Variants in AP1B1 observed in about 807,000 individuals in gnomAD.
AP1B1 encodes the protein AP-1 complex subunit beta-1.
In AP1B1, 36 loss-of-function variants were observed where a neutral mutation model predicts 104.3. That is an observed-to-expected ratio of 0.35 (90% CI 0.26 to 0.46). AP1B1 has a LOEUF of 0.46. Among genes scored for constraint, AP1B1 ranks in the 20% least tolerant of loss-of-function variants. The pLI is 1.00. For synonymous variants in AP1B1, 504 were observed against 517.5 expected (o/e 0.97, Z 0.35); for missense variants, 901 against 1,247.9 (o/e 0.72, Z 4.19).
intron 1 of AP1B1, among the ~76,000 whole-genome samples, chr22:29,378,670 T>C (rs1217626104): frequency 6.7e-6 from 1 of 148,786 alleles, no homozygotes; most frequent in African/African-American, 2.5e-5. Context: ...CCATCCTGGC[T>C]AACACGGTGA....
chr22:29,339,568 A>G (rs1336207339), intron 15 of AP1B1, among the ~76,000 whole-genome samples, 186 bp downstream of exon 15: 1 of 151,856 alleles, frequency 6.6e-6, no homozygotes, highest in Admixed American at 6.6e-5. Flanking sequence ...ATCCATGGCT[A>G]TGGGGCCCAG....
chr22:29,337,304 C>T (rs567977716), intron 16 of AP1B1, among the ~76,000 whole-genome samples: 1 of 152,316 alleles, frequency 6.6e-6, no homozygotes, highest in African/African-American at 2.4e-5. Flanking sequence ...GGGAGGAGGA[C>T]GTGCTGGCGG....
At chr22:29,384,428 G>A (rs75017959) in intron 1 of AP1B1, among the ~76,000 whole-genome samples, 227 of 152,266 alleles carry the variant, frequency 1.5e-3, no homozygotes, top group African/African-American at 5.2e-3. Context: ...AAAGTGCTTT[G>A]AACCCCTTAG....
At chr22:29,354,435 G>A (rs2061923372) in intron 7 of AP1B1, among the ~76,000 whole-genome samples, 1 of 152,120 alleles carries the variant, frequency 6.6e-6, no homozygotes, top group South Asian at 2.1e-4. Context: ...GAAGCCGGTA[G>A]CATGCCCCCC....
intron 7 of AP1B1, among the ~76,000 whole-genome samples, chr22:29,354,118 T>G (rs1022329861): frequency 6.6e-6 from 1 of 152,244 alleles, no homozygotes; most frequent in Non-Finnish European, 1.5e-5. Flanking sequence ...GTGAGTCCGA[T>G]GTACCTCTCC....
chr22:29,334,528 C>T, intron 16 of AP1B1, 118 bp from the exon 17 acceptor site: 6 of 1,142,366 alleles, frequency 5.3e-6, no homozygotes, highest in Non-Finnish European at 7.2e-6. Context: ...CCAGATCCAG[C>T]ACCCCCACCT....
intron 16 of AP1B1, among the ~76,000 whole-genome samples, chr22:29,335,911 C>G (rs1202145457): frequency 1.3e-5 from 2 of 152,328 alleles, no homozygotes; most frequent in South Asian, 2.1e-4. Context: ...CAGAAGCTGG[C>G]TGAACCTGAC....
chr22:29,384,577 C>T (rs2062491113), intron 1 of AP1B1, among the ~76,000 whole-genome samples: 1 of 152,106 alleles, frequency 6.6e-6, no homozygotes, highest in African/African-American at 2.4e-5. Flanking sequence ...GGATTAAAAG[C>T]TATTTACTGG....
chr22:29,341,230 C>T (rs1339313981), intron 13 of AP1B1, among the ~76,000 whole-genome samples: 1 of 152,278 alleles, frequency 6.6e-6, no homozygotes, highest in Non-Finnish European at 1.5e-5. Flanking sequence ...CCCAGCTCTG[C>T]TAGCTGTGAG....
intron 7 of AP1B1, among the ~76,000 whole-genome samples, chr22:29,352,237 T>C (rs2061887746): frequency 6.6e-6 from 1 of 152,212 alleles, no homozygotes; most frequent in Non-Finnish European, 1.5e-5. Context: ...ACTGCTAGCC[T>C]CAGAAGGCCT....
At chr22:29,329,019 AGCTG>A in intron 22 of AP1B1, 124 bp from the exon 23 acceptor site, 1 of 1,484,612 alleles carries the variant, frequency 6.7e-7, no homozygotes, top group Non-Finnish European at 8.9e-7. Context: ...GCCTGGCGGC[AGCTG>A]CGCCTGGCAC....
intron 2 of AP1B1, among the ~76,000 whole-genome samples, chr22:29,364,582 C>G (rs2062102107): frequency 6.6e-6 from 1 of 152,124 alleles, no homozygotes; most frequent in African/African-American, 2.4e-5. Flanking sequence ...TCACACCCAG[C>G]TAATTTTTGT....
intron 1 of AP1B1, among the ~76,000 whole-genome samples, chr22:29,376,932 C>T (rs2062352391): frequency 1.3e-5 from 2 of 152,130 alleles, no homozygotes; most frequent in South Asian, 4.1e-4. Context: ...CATGCTGGCT[C>T]ATGCCCACAA....
At chr22:29,366,833 G>GACACACACACACACACACACACAC (rs200885223) in intron 2 of AP1B1, among the ~76,000 whole-genome samples, 1 of 131,308 alleles carries the variant, frequency 7.6e-6, no homozygotes, top group Non-Finnish European at 1.6e-5. Context: ...CTTGGATAAG[G>GACACACACACACACACACACACAC]ACACACACAC....
chr22:29,338,938 A>G, intron 16 of AP1B1, 52 bp downstream of exon 16: 2 of 1,606,950 alleles, frequency 1.2e-6, no homozygotes, highest in South Asian at 2.2e-5. Flanking sequence ...CCCACATGCC[A>G]GTCTCCATAA....
At chr22:29,363,409 G>A (rs1303014603) in intron 2 of AP1B1, among the ~76,000 whole-genome samples, 1 of 152,216 alleles carries the variant, frequency 6.6e-6, no homozygotes, top group East Asian at 1.9e-4. Flanking sequence ...CAGCACTTTG[G>A]GAGTCCGAGG....
chr22:29,374,067 G>A (rs1003414793), intron 1 of AP1B1, among the ~76,000 whole-genome samples: 15 of 151,202 alleles, frequency 9.9e-5, no homozygotes, highest in African/African-American at 2.7e-4. Context: ...GCATGGTGGC[G>A]GTGCATGCCT....
intron 16 of AP1B1, among the ~76,000 whole-genome samples, chr22:29,335,248 G>A (rs549429564): frequency 2.0e-5 from 3 of 152,126 alleles, no homozygotes; most frequent in South Asian, 2.1e-4. Context: ...GCTCACAAAC[G>A]CCTCTCAGGC....
chr22:29,356,494 C>T lies in AP1B1; in HGVS notation c.648G>A (p.Glu216=), dbSNP rs149379383. ...KLLTALNECT[E]WGQIFILDCL... ...AGTCCAGGATGAAGATCTGGCCCCA[C>T]TCGGTGCACTCATTGAGGGCTGTCA... The change falls in exon 6 of 23, where the codon GAG becomes GAA. Residue 216 remains glutamate, a synonymous_variant. Coordinates refer to ENST00000357586, the MANE Select transcript of AP1B1 (RefSeq NM_001127.4). 2.0e-5 allele frequency: 33 copies of T among 1,614,238 alleles called. No homozygotes were observed. The highest frequency in any genetic ancestry group is 2.5e-5 in the Non-Finnish European group (29 of 1,180,044).
Sources: gnomAD v4.1 joint callset for allele counts (sites outside exome capture counted in the v4.1 genomes callset) on GRCh38, gnomAD v4.1.1 for gene constraint, MANE v1.5 for transcripts, NCBI Gene and HGNC (gene_info 2026-07-23, HGNC 2026-07-21) for gene names.